UBAP2L: variants seen among roughly 807,000 people sequenced by gnomAD.
UBAP2L encodes the protein ubiquitin-associated protein 2-like.
A neutral mutation model predicts 130.6 loss-of-function variants in UBAP2L; 12 were observed. The ratio of observed to expected loss-of-function variants is 0.09; its 90% confidence interval spans 0.06 to 0.15. The LOEUF is 0.15. UBAP2L is among the 10% of genes least tolerant of loss of function. The pLI, the probability that UBAP2L is intolerant of heterozygous loss-of-function variation, is 1.00. For synonymous variants in UBAP2L, 503 were observed against 524.7 expected, an observed-to-expected ratio of 0.96 and a Z score of 0.57; for missense variants, 965 against 1,332.5, an observed-to-expected ratio of 0.72 and a Z score of 4.29.
chr1:154,251,302 C>A lies in UBAP2L; in HGVS notation c.1475C>A (p.Ala492Asp). Residue 492 changes from alanine to aspartate, a missense_variant, in exon 13 of 27, where the codon GCC (alanine) becomes GAC (aspartate). By Grantham distance (126) the Ala-to-Asp change is moderately radical. Around this residue, in one of 9 missense-constraint regions of UBAP2L, gnomAD observed 393 missense variants for 408.1 expected, o/e 0.96. Transcript: ENST00000428931. ...QQKLKQQKKK[A>D]SLTSKIPALA... ...AAACTGAAACAGCAGAAGAAAAAAG[C>A]CTCCTTGACTTCTAAGGTACTTAAA... 1 of 1,613,120 alleles carries A rather than the reference C, an allele frequency of 6.2e-7. No individual in the cohort carries two copies.
At chr1:154,262,324 A>G (rs192621458) in intron 24 of UBAP2L, among the ~76,000 whole-genome samples, 1 of 152,244 alleles carries the variant, frequency 6.6e-6, no homozygotes, top group Admixed American at 6.5e-5. Flanking sequence ...CAGGGAGGGA[A>G]TTGTAGGAAT....
At chr1:154,225,775 A>G (rs1045322930) in intron 2 of UBAP2L, among the ~76,000 whole-genome samples, 2 of 152,148 alleles carry the variant, frequency 1.3e-5, no homozygotes, top group Non-Finnish European at 2.9e-5. Flanking sequence ...GGGCCATTTT[A>G]GCAATACCTT....
chr1:154,236,631 T>G lies in UBAP2L; in HGVS notation c.590+20T>G, dbSNP rs374180959. The stretch of plus-strand genomic sequence containing the variant: ...AATGGGGTAAGTTTCATTGATCTAG[T>G]GTCTTAATTTTTTTTCCCTTAAAAA... On this transcript the variant is annotated intron_variant, in intron 7 of 26. Transcript: ENST00000428931. 1.9e-6 allele frequency: 3 copies of G among 1,613,646 alleles called. No individual in the cohort carries two copies. The highest frequency in any genetic ancestry group is 2.7e-5 in the African/African-American group (2 of 74,894).
intron 1 of UBAP2L, among the ~76,000 whole-genome samples, chr1:154,222,902 CTG>C (rs1666745261): frequency 6.6e-6 from 1 of 152,170 alleles, no homozygotes. Context: ...GTTGAAACCT[CTG>C]TTTACTCTCG....
In UBAP2L at chr1:154,265,584, A is replaced by AC. The variant is rs569906063; in HGVS notation, c.2903-914dup. On this transcript the variant is annotated intron_variant, in intron 24 of 26. Coordinates refer to ENST00000428931, the MANE Select transcript of UBAP2L (RefSeq NM_014847.4). ...TTTCATGGCTTTTCCTATCTTCTTG[A>AC]CCCGATGCCTTATACCCCAGGTGAT... Among the ~76,000 whole-genome samples the AC allele has an allele frequency of 2.4e-3, 367 of 152,218 alleles. 1 individual carries two copies. The highest frequency in any genetic ancestry group is 4.2e-3 in the Non-Finnish European group (283 of 68,022).
intron 10 of UBAP2L, among the ~76,000 whole-genome samples, chr1:154,243,617 C>G (rs774909799): frequency 6.6e-6 from 1 of 152,076 alleles, no homozygotes; most frequent in African/African-American, 2.4e-5. Flanking sequence ...TGTGCCACCA[C>G]GCCTGGCTAA....
At chr1:154,226,896 C>G (rs1239090006) in intron 2 of UBAP2L, among the ~76,000 whole-genome samples, 6 of 152,094 alleles carry the variant, frequency 3.9e-5, no homozygotes, top group Admixed American at 3.9e-4. Context: ...TATCTCAGTT[C>G]ACTGCAACCT....
Position 154,270,688 on chromosome 1 carries a change from C to T in UBAP2L, c.*393C>T. On this transcript the variant is annotated 3_prime_UTR_variant, in exon 27 of 27. Transcript: ENST00000428931. ...GTCTCCTTCTTTATTATTAGGAAAA[C>T]AACAACAACAACAAACAAAAAAATG... The T allele has an allele frequency of 1.5e-6, 2 of 1,356,366 alleles. No individual in the cohort carries two copies. Among genetic ancestry groups the T allele is most frequent in the South Asian group, 1.8e-5 (1 of 57,122 alleles). The allele number at this position is 1,356,366 out of a possible 1,614,324, so 84.0% of individuals were successfully genotyped here.
Position 154,266,537 on chromosome 1 carries a change from A to G in UBAP2L, c.2939A>G (p.Asp980Gly), listed in dbSNP as rs1346346293. ...SVTSSNTGVP[D>G]ISGSVYSKTQ... ...ACCTCCAGTAACACGGGCGTGCCAGATATCTCGGGTTCTGTGTACTCCAAA... is the reference window on the plus strand; with the variant it reads ...ACCTCCAGTAACACGGGCGTGCCAGGTATCTCGGGTTCTGTGTACTCCAAA... Residue 980 changes from aspartate (D) to glycine (G), a missense_variant, in exon 25 of 27, where the codon GAT becomes GGT. By Grantham distance (94) the Asp-to-Gly change is moderately conservative. Transcript: ENST00000428931. 2 of 1,614,060 alleles carry G rather than the reference A, an allele frequency of 1.2e-6. No homozygotes were observed. Among genetic ancestry groups the G allele is most frequent in the Non-Finnish European group, 1.7e-6 (2 of 1,180,040 alleles).
At chr1:154,238,887 C>T (rs754235121) in intron 8 of UBAP2L, among the ~76,000 whole-genome samples, 5 of 152,010 alleles carry the variant, frequency 3.3e-5, no homozygotes, top group Non-Finnish European at 5.9e-5. Flanking sequence ...ACTACAGGTG[C>T]ACGCCACCAC....
At chr1:154,258,887 A>G in intron 20 of UBAP2L, 90 bp from the exon 21 acceptor site, 1 of 1,035,278 alleles carries the variant, frequency 9.7e-7, no homozygotes, top group Non-Finnish European at 1.5e-6. Flanking sequence ...ATGAGGATGA[A>G]TGTTCTGTTG....
At chr1:154,232,585 C>A (rs556366759) in intron 4 of UBAP2L, among the ~76,000 whole-genome samples, 37 of 152,148 alleles carry the variant, frequency 2.4e-4, no homozygotes, top group African/African-American at 7.5e-4. Context: ...TTGGCTGATA[C>A]CAATTTAGGA....
intron 4 of UBAP2L, among the ~76,000 whole-genome samples, chr1:154,232,724 G>A (rs985153340): frequency 1.3e-5 from 2 of 151,916 alleles, no homozygotes; most frequent in Non-Finnish European, 2.9e-5. Context: ...TTTGAGACAG[G>A]GTCTTACTCT....
chr1:154,256,166 G>T (rs1429265538), intron 18 of UBAP2L, among the ~76,000 whole-genome samples: 1 of 152,158 alleles, frequency 6.6e-6, no homozygotes, highest in African/African-American at 2.4e-5. Flanking sequence ...AGAGCTTTTG[G>T]TCCAAGAGTC....
At chr1:154,262,542 T>C (rs1681913507) in intron 24 of UBAP2L, among the ~76,000 whole-genome samples, 1 of 152,206 alleles carries the variant, frequency 6.6e-6, no homozygotes, top group African/African-American at 2.4e-5. Context: ...TTCAAAGCTG[T>C]CAGCTCAGTT....
At chr1:154,221,848 G>GC (rs1666258278) in intron 1 of UBAP2L, among the ~76,000 whole-genome samples, 1 of 152,328 alleles carries the variant, frequency 6.6e-6, no homozygotes, top group African/African-American at 2.4e-5. Flanking sequence ...GGACATGGAG[G>GC]CCCCCATAGG....
At chr1:154,221,367 C>G (rs1666002021) in intron 1 of UBAP2L, 2 of 152,588 alleles carry the variant, frequency 1.3e-5, no homozygotes, top group South Asian at 2.0e-4. Context: ...AGAAAGAGCG[C>G]GAGCGAGCGA....
chr1:154,251,449 C>T, intron 13 of UBAP2L, 32 bp from the exon 14 acceptor site: 1 of 1,606,924 alleles, frequency 6.2e-7, no homozygotes, highest in Non-Finnish European at 8.5e-7. Flanking sequence ...TGTATTAAAG[C>T]CATTACTTTC....
At chr1:154,258,444 A>C (rs1432793893) in intron 20 of UBAP2L, among the ~76,000 whole-genome samples, 1 of 152,192 alleles carries the variant, frequency 6.6e-6, no homozygotes, top group Non-Finnish European at 1.5e-5. Context: ...AGTATTTGGT[A>C]CCTATTAAGA....
Sources: gnomAD v4.1 joint callset for allele counts (sites outside exome capture counted in the v4.1 genomes callset) on GRCh38, gnomAD v4.1.1 for gene constraint, gnomAD v4.1.1 regional missense constraint, MANE v1.5 for transcripts, NCBI Gene and HGNC (gene_info 2026-07-23, HGNC 2026-07-21) for gene names.